Variants in NUP205 observed in about 807,000 individuals in gnomAD.
NUP205 encodes the protein nucleoporin 205, also known as nuclear pore complex protein Nup205.
A neutral mutation model predicts 253.8 loss-of-function variants in NUP205; 76 were observed. The observed-to-expected ratio is 0.30, with a 90% CI of 0.25 to 0.36. The LOEUF (loss-of-function observed/expected upper bound fraction) is 0.36, where lower values mean the gene tolerates loss of function less well. Ranked by LOEUF, NUP205 falls within the 10% of genes least tolerant of loss-of-function variation. The pLI, the probability that NUP205 is intolerant of heterozygous loss-of-function variation, is 1.00. For synonymous variants in NUP205, 832 were observed against 850.1 expected (o/e 0.98, Z 0.37); for missense variants, 2,162 against 2,425.5 (o/e 0.89, Z 2.28).
At position 135,617,163 on chromosome 7, in the gene NUP205, T is replaced by C. The variant is rs1337582491; in HGVS notation, c.3606T>C (p.Asp1202=). ...SQEIPEPLQL[D]FFDRAQIEQV... Reference sequence around the variant, plus strand: ...AGATCCCTGAGCCTTTGCAGTTGGATTTTTTTGATCGGGCCCAGATTGAAC... The same window carrying C: ...AGATCCCTGAGCCTTTGCAGTTGGACTTTTTTGATCGGGCCCAGATTGAAC... The change falls in exon 26 of 43, where the codon GAT becomes GAC. Residue 1202 remains aspartate (D), a synonymous_variant. Transcript: ENST00000285968. The C allele has an allele frequency of 6.2e-7, 1 of 1,613,106 alleles. No individual in the cohort carries two copies. The highest frequency in any genetic ancestry group is 1.7e-5 in the Admixed American group (1 of 59,914).
intron 1 of NUP205, among the ~76,000 whole-genome samples, chr7:135,570,197 T>A (rs1805916643): frequency 6.6e-6 from 1 of 151,838 alleles, no homozygotes; most frequent in Admixed American, 6.6e-5. Flanking sequence ...TCAGGATTTA[T>A]TTTATTTATT....
chr7:135,629,469 A>ATCTC (rs201403059), intron 34 of NUP205, among the ~76,000 whole-genome samples: 1,421 of 119,678 alleles, frequency 0.012, 39 homozygotes, highest in East Asian at 0.033. Flanking sequence ...GTGAGACCCT[A>ATCTC]TCTCTCTCTC....
chr7:135,577,601 C>G (rs1806185557), intron 5 of NUP205, among the ~76,000 whole-genome samples, 195 bp from the exon 6 acceptor site: 1 of 152,056 alleles, frequency 6.6e-6, no homozygotes, highest in Admixed American at 6.6e-5. Flanking sequence ...ATTGGTCATC[C>G]CAATTTCTTA....
chr7:135,560,224 GACCTCAGGTGATCCGCCT>G (rs995097941), intron 1 of NUP205, among the ~76,000 whole-genome samples: 6 of 152,036 alleles, frequency 3.9e-5, no homozygotes, highest in African/African-American at 1.4e-4. Context: ...TCAAACTCCT[GACCTCAGGTGATCCGCCT>G]ACCTCGGCAT....
chr7:135,588,775 G>A (rs1806542386), intron 10 of NUP205, among the ~76,000 whole-genome samples: 1 of 151,322 alleles, frequency 6.6e-6, no homozygotes, highest in Admixed American at 6.6e-5. Flanking sequence ...AGAGGTACAA[G>A]TATTAAAGGA....
At chr7:135,642,074 G>T (rs1415332691) in intron 38 of NUP205, among the ~76,000 whole-genome samples, 1 of 151,854 alleles carries the variant, frequency 6.6e-6, no homozygotes, top group Non-Finnish European at 1.5e-5. Flanking sequence ...GGCCATCATG[G>T]TGAAACCCCA....
intron 22 of NUP205, among the ~76,000 whole-genome samples, chr7:135,610,212 C>T (rs1414038620): frequency 2.6e-5 from 4 of 152,172 alleles, no homozygotes; most frequent in Non-Finnish European, 4.4e-5. Flanking sequence ...TTATAACATA[C>T]TCTCTGTTGT....
At chr7:135,629,274 A>C (rs1319745351) in intron 34 of NUP205, among the ~76,000 whole-genome samples, 6 of 152,248 alleles carry the variant, frequency 3.9e-5, no homozygotes, top group Admixed American at 3.3e-4. Flanking sequence ...ATGAGTGTAC[A>C]TTATAAAATG....
intron 33 of NUP205, among the ~76,000 whole-genome samples, chr7:135,627,544 T>C (rs1794618032): frequency 6.6e-6 from 1 of 152,232 alleles, no homozygotes; most frequent in Admixed American, 6.5e-5. Context: ...CCAAGCATTT[T>C]GGGTAAGTGG....
chr7:135,640,238 ATATAT>A (rs1411884291), intron 38 of NUP205, among the ~76,000 whole-genome samples: 10 of 152,312 alleles, frequency 6.6e-5, no homozygotes, highest in African/African-American at 1.2e-4. Flanking sequence ...AAAAAGAAAA[ATATAT>A]TAGTTTAGCA....
At chr7:135,640,043 C>T (rs1232409354) in intron 38 of NUP205, among the ~76,000 whole-genome samples, 5 of 152,170 alleles carry the variant, frequency 3.3e-5, no homozygotes, top group Non-Finnish European at 5.9e-5. Flanking sequence ...GAACATCACA[C>T]ACCAGTGCCT....
At position 135,606,301 on chromosome 7, in the gene NUP205, A is replaced by G. The variant is rs377115125; in HGVS notation, c.2905+75A>G. 127 of 962,430 alleles carry G rather than the reference A, an allele frequency of 1.3e-4. No homozygotes were observed. In the East Asian group the frequency reaches 1.8e-3, roughly 14 times the overall value. 59.6% of individuals were successfully genotyped at this position (962,430 alleles called of 1,614,324 possible). On this transcript the variant is annotated intron_variant, in intron 20 of 42. Transcript: ENST00000285968. Reference sequence around the variant, plus strand: ...TGCTTAATTTAAAGAAAACACTTGTAATTGTTAACTGTTTTAGTGATGGTG... The same window carrying G: ...TGCTTAATTTAAAGAAAACACTTGTGATTGTTAACTGTTTTAGTGATGGTG...
intron 12 of NUP205, among the ~76,000 whole-genome samples, chr7:135,593,754 TC>T (rs1319898490): frequency 6.6e-6 from 1 of 152,226 alleles, no homozygotes; most frequent in Non-Finnish European, 1.5e-5. Flanking sequence ...TTTTGGCTTT[TC>T]TAATAGTACT....
chr7:135,564,965 T>C (rs77608466), intron 1 of NUP205, among the ~76,000 whole-genome samples: 3,819 of 152,044 alleles, frequency 0.025, 80 homozygotes, highest in South Asian at 0.078. Context: ...GACAGGGTTT[T>C]GACATTTTGG....
intron 38 of NUP205, among the ~76,000 whole-genome samples, chr7:135,642,842 G>GT (rs1430536699): frequency 1.8e-5 from 2 of 108,962 alleles, no homozygotes; most frequent in Non-Finnish European, 2.0e-5. Flanking sequence ...TGATGTGGAG[G>GT]GGTGTGTGTG....
chr7:135,607,520 C>G, intron 22 of NUP205, 149 bp downstream of exon 22: 1 of 853,024 alleles, frequency 1.2e-6, no homozygotes, highest in East Asian at 3.0e-5. Flanking sequence ...TGGATAAAAT[C>G]CGTAAAGCAC....
intron 1 of NUP205, among the ~76,000 whole-genome samples, chr7:135,559,376 C>A (rs1428413427): frequency 2.0e-5 from 3 of 151,634 alleles, no homozygotes; most frequent in African/African-American, 7.3e-5. Context: ...TTTAATTTTT[C>A]TTTTTGAGAT....
At chr7:135,570,707 TTA>T (rs1450316655) in intron 1 of NUP205, among the ~76,000 whole-genome samples, 1 of 110,494 alleles carries the variant, frequency 9.1e-6, no homozygotes, top group African/African-American at 3.7e-5. Context: ...ATTAATTATA[TTA>T]ATATAATTAA....
At chr7:135,570,918 TATA>T (rs1386515724) in intron 1 of NUP205, among the ~76,000 whole-genome samples, 184 bp from the exon 2 acceptor site, 1 of 102,146 alleles carries the variant, frequency 9.8e-6, no homozygotes, top group East Asian at 2.9e-4. Context: ...AATATATTAA[TATA>T]ATATAGTTAA....
Sources: gnomAD v4.1 joint callset for allele counts (sites outside exome capture counted in the v4.1 genomes callset) on GRCh38, gnomAD v4.1.1 for gene constraint, MANE v1.5 for transcripts, NCBI Gene and HGNC (gene_info 2026-07-23, HGNC 2026-07-21) for gene names.